Variants in TBCK observed in about 807,000 individuals in gnomAD.
TBCK encodes the protein TBC domain-containing protein kinase-like protein.
A neutral mutation model predicts 113.4 loss-of-function variants in TBCK; 99 were observed. The observed-to-expected ratio is 0.87, with a 90% CI of 0.74 to 1.03. The LOEUF is 1.03. Ranked by LOEUF, TBCK falls within the 50% of genes least tolerant of loss-of-function variation. TBCK has a pLI of 0.00. For missense variants in TBCK, 1,045 were observed against 1,061.3 expected (o/e 0.98, Z 0.21); for synonymous variants, 369 against 370.8 (o/e 1.00, Z 0.05).
chr4:106,193,731 G>A lies in TBCK; in HGVS notation c.1937C>T (p.Thr646Ile). Residue 646 changes from threonine to isoleucine, a missense_variant, in exon 22 of 26, where the codon ACC (threonine) becomes ATC (isoleucine). Coordinates refer to ENST00000394708, the MANE Select transcript of TBCK (RefSeq NM_001163435.3). ...GAAAGAGGAATTCCCAAGTAGTAAG[G>A]TATCCCAGAGGTGGAAAATTTTGTG... ...PLHKIFHLWDTLLLGNSSFPF... is the reference protein window; with the variant it reads ...PLHKIFHLWDILLLGNSSFPF... The A allele has an allele frequency of 6.2e-7, 1 of 1,603,350 alleles. No individual in the cohort carries two copies. Among genetic ancestry groups the A allele is most frequent in the Middle Eastern group, 1.7e-4 (1 of 5,996 alleles).
At chr4:106,107,501 T>A (rs934301207) in intron 24 of TBCK, among the ~76,000 whole-genome samples, 2 of 151,988 alleles carry the variant, frequency 1.3e-5, no homozygotes, top group Non-Finnish European at 2.9e-5. Context: ...AATCATACAA[T>A]TACATAGAAA....
intron 25 of TBCK, among the ~76,000 whole-genome samples, chr4:106,083,789 G>A (rs1168373279): frequency 6.6e-6 from 1 of 152,178 alleles, no homozygotes; most frequent in Non-Finnish European, 1.5e-5. Context: ...AGGCACAGGA[G>A]CAAATAAGAT....
intron 23 of TBCK, among the ~76,000 whole-genome samples, chr4:106,123,617 A>C (rs1744746013): frequency 6.6e-6 from 1 of 152,188 alleles, no homozygotes; most frequent in Non-Finnish European, 1.5e-5. Flanking sequence ...ACCTGACTTC[A>C]AACTATACTA....
intron 23 of TBCK, among the ~76,000 whole-genome samples, chr4:106,117,810 C>T (rs1743722288): frequency 2.0e-5 from 3 of 152,066 alleles, no homozygotes. Flanking sequence ...GAAATGGAGA[C>T]CATCCTGGCT....
chr4:106,312,663 T>A (rs568574204), intron 1 of TBCK, among the ~76,000 whole-genome samples: 1 of 152,134 alleles, frequency 6.6e-6, no homozygotes. Context: ...TCATAGGAAC[T>A]GTACTCTTAA....
At chr4:106,056,794 T>A (rs1215167931) in intron 25 of TBCK, among the ~76,000 whole-genome samples, 2 of 151,720 alleles carry the variant, frequency 1.3e-5, no homozygotes, top group African/African-American at 4.8e-5. Context: ...GATCCATGGA[T>A]CCCTTCCAAG....
chr4:106,047,091 T>C (rs1477903270), intron 25 of TBCK, among the ~76,000 whole-genome samples: 1 of 152,100 alleles, frequency 6.6e-6, no homozygotes, highest in Non-Finnish European at 1.5e-5. Flanking sequence ...AAATGTACAT[T>C]GAAAAAATTT....
chr4:106,198,466 G>A (rs1255233094), intron 20 of TBCK, among the ~76,000 whole-genome samples: 1 of 151,998 alleles, frequency 6.6e-6, no homozygotes, highest in Non-Finnish European at 1.5e-5. Context: ...CTTTCCTAAC[G>A]ATGCACTTTG....
chr4:106,261,912 AATTTAAGGATT>A (rs1400516569), intron 4 of TBCK, among the ~76,000 whole-genome samples, 175 bp downstream of exon 4: 1 of 151,970 alleles, frequency 6.6e-6, no homozygotes, highest in Non-Finnish European at 1.5e-5. Context: ...CAGATTAAAT[AATTTAAGGATT>A]ATTTAATCCT....
chr4:106,048,304 C>T (rs1734435822), intron 25 of TBCK, among the ~76,000 whole-genome samples: 1 of 152,098 alleles, frequency 6.6e-6, no homozygotes, highest in South Asian at 2.1e-4. Flanking sequence ...GTACTGCTAA[C>T]CCTACTTATC....
chr4:106,299,894 A>G (rs1766738403), intron 2 of TBCK, among the ~76,000 whole-genome samples: 1 of 152,214 alleles, frequency 6.6e-6, no homozygotes. Context: ...AGATTTGAGG[A>G]AGCAAAAGTA....
At chr4:106,209,410 C>T (rs1755879585) in intron 20 of TBCK, among the ~76,000 whole-genome samples, 1 of 152,106 alleles carries the variant, frequency 6.6e-6, no homozygotes, top group Non-Finnish European at 1.5e-5. Flanking sequence ...ATAGAAGCCC[C>T]TTTTGTACTA....
intron 23 of TBCK, among the ~76,000 whole-genome samples, chr4:106,160,940 G>GA (rs201896872): frequency 5.2e-4 from 77 of 148,398 alleles, no homozygotes; most frequent in African/African-American, 9.6e-4. Flanking sequence ...GCCTTAAGAA[G>GA]AAAAAAAAAA....
intron 20 of TBCK, among the ~76,000 whole-genome samples, chr4:106,207,826 C>T (rs73838150): frequency 2.3e-3 from 347 of 152,322 alleles, no homozygotes; most frequent in African/African-American, 7.7e-3. Context: ...TTTGCCCACT[C>T]TCTGTGACAA....
Position 106,235,367 on chromosome 4 carries a change from C to T in TBCK, c.1351G>A (p.Ala451Thr). ...RIILFDRLLKAYPYKKNQIWK... is the reference protein window; with the variant it reads ...RIILFDRLLKTYPYKKNQIWK... Reference sequence around the variant, plus strand: ...ATTTGGTTTTTTTTATATGGATAAGCCTATGATATCAAAAAAGAAATGAAA... The same window carrying T: ...ATTTGGTTTTTTTTATATGGATAAGTCTATGATATCAAAAAAGAAATGAAA... Residue 451 changes from alanine to threonine, a missense_variant and splice_region_variant, in exon 15 of 26, where the codon GCT (alanine) becomes ACT (threonine). Physicochemically the swap from Ala to Thr is moderately conservative, Grantham distance 58. Coordinates refer to ENST00000394708, the MANE Select transcript of TBCK (RefSeq NM_001163435.3). 1 of 1,587,634 alleles carries T rather than the reference C, an allele frequency of 6.3e-7. No individual in the cohort carries two copies.
intron 23 of TBCK, among the ~76,000 whole-genome samples, chr4:106,134,504 C>T (rs67854597): frequency 0.085 from 12,875 of 152,226 alleles, 731 homozygotes; most frequent in Non-Finnish European, 0.13. Flanking sequence ...ACTGTCACCC[C>T]AACATCCCTT....
chr4:106,098,125 A>C (rs1741145705), intron 24 of TBCK, among the ~76,000 whole-genome samples: 1 of 152,122 alleles, frequency 6.6e-6, no homozygotes, highest in Non-Finnish European at 1.5e-5. Flanking sequence ...ATATTTTTGA[A>C]GTATGACTGT....
intron 25 of TBCK, among the ~76,000 whole-genome samples, chr4:106,087,942 C>T (rs1030311062): frequency 2.6e-5 from 4 of 152,126 alleles, no homozygotes; most frequent in African/African-American, 7.2e-5. Flanking sequence ...ATGTCTTATA[C>T]AAAAATTAAC....
chr4:106,120,203 A>G (rs1040433173), intron 23 of TBCK, among the ~76,000 whole-genome samples: 1 of 152,150 alleles, frequency 6.6e-6, no homozygotes, highest in Non-Finnish European at 1.5e-5. Flanking sequence ...GAAAGGGGTG[A>G]CTGATGCACC....
Sources: gnomAD v4.1 joint callset for allele counts (sites outside exome capture counted in the v4.1 genomes callset) on GRCh38, gnomAD v4.1.1 for gene constraint, MANE v1.5 for transcripts, NCBI Gene and HGNC (gene_info 2026-07-23, HGNC 2026-07-21) for gene names.